Variants in CUX2 observed in about 807,000 individuals in gnomAD.
The protein encoded by CUX2 is homeobox protein cut-like 2.
In CUX2, 40 loss-of-function variants were observed where a neutral mutation model predicts 144.8. The ratio of observed to expected loss-of-function variants is 0.28; its 90% confidence interval spans 0.21 to 0.36. The LOEUF is 0.36. CUX2 is among the 10% of genes least tolerant of loss of function. The pLI is 1.00. For missense variants in CUX2, 1,615 were observed against 1,994.0 expected, an observed-to-expected ratio of 0.81 and a Z score of 3.62; for synonymous variants, 827 against 875.6, an observed-to-expected ratio of 0.94 and a Z score of 0.98.
In CUX2 at chr12:111,034,734, G is replaced by A. The variant is rs1869334134; in HGVS notation, c.63+494G>A. Among the ~76,000 whole-genome samples, 1 of 151,274 alleles carries A rather than the reference G, an allele frequency of 6.6e-6. No individual in the cohort carries two copies. The highest frequency in any genetic ancestry group is 2.4e-5 in the African/African-American group (1 of 41,348). The stretch of plus-strand genomic sequence containing the variant: ...GCAGGGAGGAGGAGGAGGAGAGGAG[G>A]AGGAGGAGGAGAGAGGAGGAGGGAG... On this transcript the variant is annotated intron_variant, in intron 1 of 21. Coordinates refer to ENST00000261726, the MANE Select transcript of CUX2 (RefSeq NM_015267.4). The surrounding 1 kb of genome is among the most constrained non-coding windows in gnomAD (Gnocchi z 4.2).
intron 9 of CUX2, among the ~76,000 whole-genome samples, chr12:111,302,842 G>T (rs1407211077): frequency 1.3e-5 from 2 of 149,072 alleles, no homozygotes; most frequent in East Asian, 4.0e-4. Flanking sequence ...GGAGGTTGCA[G>T]TGAGCCAAGA....
chr12:111,098,606 C>T (rs898144281), intron 1 of CUX2, among the ~76,000 whole-genome samples: 1 of 152,166 alleles, frequency 6.6e-6, no homozygotes, highest in African/African-American at 2.4e-5. Context: ...TCGGGGACTG[C>T]GGAGCCCCAG....
rs1315601931 is a variant in CUX2, at chr12:111,322,759, G to C, written c.2926+179G>C. Among the ~76,000 whole-genome samples the C allele has an allele frequency of 2.0e-5, 3 of 152,270 alleles. No homozygotes were observed. ...TGGCGGGGGGTCCTGGGGTTTCTCTGCTCCCCTTTCTTCCTTCCTCCAACC... is the reference window on the plus strand; with the variant it reads ...TGGCGGGGGGTCCTGGGGTTTCTCTCCTCCCCTTTCTTCCTTCCTCCAACC... On this transcript the variant is annotated intron_variant, in intron 18 of 21. Transcript: ENST00000261726. The surrounding 1 kb of genome is among the most constrained non-coding windows in gnomAD (Gnocchi z 4.2).
Position 111,034,305 on chromosome 12 carries a change from G to T in CUX2, c.63+65G>T. 9.2e-7 allele frequency: 1 copy of T among 1,092,844 alleles called. No individual in the cohort carries two copies. Among genetic ancestry groups the T allele is most frequent in the Non-Finnish European group, 1.2e-6 (1 of 861,350 alleles). 67.7% of individuals were successfully genotyped at this position (1,092,844 alleles called of 1,614,324 possible). Reference sequence around the variant, plus strand: ...CCCCGGGCGCGCCCTGGGCGCATTGGGGAGGTCCCCGGGCGGGCAGGCGGA... The same window carrying T: ...CCCCGGGCGCGCCCTGGGCGCATTGTGGAGGTCCCCGGGCGGGCAGGCGGA... On this transcript the variant is annotated intron_variant, in intron 1 of 21. Coordinates refer to ENST00000261726, the MANE Select transcript of CUX2 (RefSeq NM_015267.4). The surrounding 1 kb of genome is among the most constrained non-coding windows in gnomAD (Gnocchi z 4.2).
chr12:111,293,212 G>A lies in CUX2; in HGVS notation c.437-234G>A, dbSNP rs1024357405. The stretch of plus-strand genomic sequence containing the variant: ...TTTTAAAAGTATAATAAAGCAGGCC[G>A]CGGAGGCATGAGCAGGCAAAAGAAG... On this transcript the variant is annotated intron_variant, in intron 5 of 21. Coordinates refer to ENST00000261726, the MANE Select transcript of CUX2 (RefSeq NM_015267.4). The surrounding 1 kb of genome is among the most constrained non-coding windows in gnomAD (Gnocchi z 4.5). Among the ~76,000 whole-genome samples the A allele has an allele frequency of 3.3e-5, 5 of 152,200 alleles. No individual in the cohort carries two copies. Among genetic ancestry groups the A allele is most frequent in the South Asian group, 2.1e-4 (1 of 4,830 alleles).
rs115781047 is a variant in CUX2, at chr12:111,186,451, C to T, written c.64-27749C>T. ...GCTGAGACCCGAAGCATAAACTAGG[C>T]GGGGAACAGGGGAGCGGGAAGGGCA... is the stretch of plus-strand genomic sequence containing the variant. On this transcript the variant is annotated intron_variant, in intron 1 of 21. Coordinates refer to ENST00000261726, the MANE Select transcript of CUX2 (RefSeq NM_015267.4). The surrounding 1 kb of genome is among the most constrained non-coding windows in gnomAD (Gnocchi z 4.4). Among the ~76,000 whole-genome samples, 668 of 152,226 alleles carry T rather than the reference C, an allele frequency of 4.4e-3. 4 individuals are homozygous for T. Among genetic ancestry groups the T allele is most frequent in the African/African-American group, 0.015 (616 of 41,536 alleles).
At chr12:111,079,436 G>C (rs1871741165) in intron 1 of CUX2, among the ~76,000 whole-genome samples, 1 of 152,116 alleles carries the variant, frequency 6.6e-6, no homozygotes, top group Non-Finnish European at 1.5e-5. Flanking sequence ...GCTCAGGCAG[G>C]GGCAGTCGCT....
At chr12:111,099,202 C>T (rs1873032834) in intron 1 of CUX2, among the ~76,000 whole-genome samples, 1 of 152,194 alleles carries the variant, frequency 6.6e-6, no homozygotes, top group Admixed American at 6.5e-5. Flanking sequence ...CCTGCCCCAG[C>T]AGAGGCAGGA....
chr12:111,289,479 G>GT lies in CUX2; in HGVS notation c.302-1935dup, dbSNP rs534617336. ...GCTGGGAAGCCAGTCCTGTGCATGGGTTTTGTAGCCTGGAAGGTGCCAACA... is the reference window on the plus strand; with the variant it reads ...GCTGGGAAGCCAGTCCTGTGCATGGGTTTTTGTAGCCTGGAAGGTGCCAACA... On this transcript the variant is annotated intron_variant, in intron 4 of 21. Transcript: ENST00000261726. The surrounding 1 kb of genome is among the most constrained non-coding windows in gnomAD (Gnocchi z 4.1). Among the ~76,000 whole-genome samples the GT allele has an allele frequency of 1.2e-3, 179 of 152,296 alleles. 1 individual carries two copies. Among genetic ancestry groups the GT allele is most frequent in the South Asian group, 4.6e-3 (22 of 4,822 alleles).
chr12:111,202,750 G>T (rs538944683), intron 1 of CUX2, among the ~76,000 whole-genome samples: 23 of 152,188 alleles, frequency 1.5e-4, no homozygotes, highest in African/African-American at 5.5e-4. Flanking sequence ...ATGTGTCAAC[G>T]GCAAGGGCTT....
In CUX2 at chr12:111,194,002, C is replaced by T. The variant is rs181186645; in HGVS notation, c.64-20198C>T. ...ATAGGCTTACAAAAGGCAGGGGTGA[C>T]TCAGCTGGACAGCATTAAGGACCTC... On this transcript the variant is annotated intron_variant, in intron 1 of 21. Coordinates refer to ENST00000261726, the MANE Select transcript of CUX2 (RefSeq NM_015267.4). 3.2e-3 allele frequency among the ~76,000 whole-genome samples: 481 copies of T among 152,286 alleles called. 2 individuals are homozygous for T. The highest frequency in any genetic ancestry group is 0.011 in the African/African-American group (442 of 41,544).
chr12:111,218,538 T>C (rs1881678008), intron 3 of CUX2, among the ~76,000 whole-genome samples: 1 of 151,880 alleles, frequency 6.6e-6, no homozygotes, highest in African/African-American at 2.4e-5. Context: ...AAAATAAAAT[T>C]TAAGAAAGAT....
intron 4 of CUX2, among the ~76,000 whole-genome samples, chr12:111,266,399 A>T (rs528057130): frequency 1.3e-4 from 19 of 149,838 alleles, no homozygotes; most frequent in Admixed American, 1.0e-3. Flanking sequence ...TGAACCCAGG[A>T]GGCGGAGGTT....
Position 111,035,587 on chromosome 12 carries a change from TCA to T in CUX2, c.63+1348_63+1349del, listed in dbSNP as rs1436103401. Among the ~76,000 whole-genome samples the T allele has an allele frequency of 6.7e-6, 1 of 149,090 alleles. No individual in the cohort carries two copies. ...GACATTCGCGGAAGACGCGAGATCATCAGTCTGGAGATAAAAAGGGACCCACT... is the reference window on the plus strand; with the variant it reads ...GACATTCGCGGAAGACGCGAGATCATGTCTGGAGATAAAAAGGGACCCACT... On this transcript the variant is annotated intron_variant, in intron 1 of 21. Coordinates refer to ENST00000261726, the MANE Select transcript of CUX2 (RefSeq NM_015267.4). This position sits in a 1 kb window ranked among gnomAD's most constrained non-coding sequence, Gnocchi z 6.0.
chr12:111,060,923 G>A (rs118187175), intron 1 of CUX2, among the ~76,000 whole-genome samples: 1,883 of 152,336 alleles, frequency 0.012, 12 homozygotes, highest in Admixed American at 0.023. Context: ...AAGTGCCAGG[G>A]ACAAAGATGA....
chr12:111,303,742 C>T (rs550188317), intron 9 of CUX2, among the ~76,000 whole-genome samples: 13 of 152,234 alleles, frequency 8.5e-5, no homozygotes, highest in East Asian at 7.7e-4. Context: ...TTGCAGATGC[C>T]GTGTCTGGGA....
At chr12:111,258,872 C>G (rs1883966973) in intron 3 of CUX2, among the ~76,000 whole-genome samples, 1 of 151,996 alleles carries the variant, frequency 6.6e-6, no homozygotes, top group Admixed American at 6.6e-5. Context: ...GATTATTTTT[C>G]TTTTTTTGAA....
intron 3 of CUX2, among the ~76,000 whole-genome samples, chr12:111,247,879 C>T (rs547232057): frequency 5.9e-5 from 9 of 152,274 alleles, no homozygotes; most frequent in Non-Finnish European, 1.0e-4. Context: ...CTGTGTTTAA[C>T]AGTGAACAAA....
chr12:111,139,633 C>T (rs1876162288), intron 1 of CUX2, among the ~76,000 whole-genome samples: 1 of 152,128 alleles, frequency 6.6e-6, no homozygotes, highest in South Asian at 2.1e-4. Context: ...CCTTGGGAGG[C>T]CTTTGTATCA....
Sources: gnomAD v4.1 joint callset for allele counts (sites outside exome capture counted in the v4.1 genomes callset) on GRCh38, gnomAD v4.1.1 for gene constraint, Gnocchi (gnomAD v3.1) non-coding constraint, MANE v1.5 for transcripts, NCBI Gene and HGNC (gene_info 2026-07-23, HGNC 2026-07-21) for gene names.